TMEM106A: variants seen among roughly 807,000 people sequenced by gnomAD.
The protein encoded by TMEM106A is transmembrane protein 106A.
TMEM106A carries 22 observed loss-of-function variants against 25.1 expected under a neutral mutation model. The ratio of observed to expected loss-of-function variants is 0.88; its 90% confidence interval spans 0.63 to 1.25. TMEM106A has a LOEUF of 1.25. TMEM106A is among the 50% of genes most tolerant of loss of function. The pLI, the probability that TMEM106A is intolerant of heterozygous loss-of-function variation, is 0.00. For synonymous variants in TMEM106A, 104 were observed against 129.9 expected (o/e 0.80, Z 1.35); for missense variants, 275 against 318.1 (o/e 0.86, Z 1.03).
In TMEM106A at chr17:43,212,216, C is replaced by A. The variant is rs898441393; in HGVS notation, c.-189-11C>A. 1 of 152,722 alleles carries A rather than the reference C, an allele frequency of 6.5e-6. No homozygotes were observed. Among genetic ancestry groups the A allele is most frequent in the South Asian group, 2.1e-4 (1 of 4,840 alleles). 9.5% of individuals were successfully genotyped at this position (152,722 alleles called of 1,614,324 possible). A position where few individuals can be genotyped will look rare whatever the true frequency, so the allele number is the denominator to read the frequency against. On this transcript the variant is annotated splice_polypyrimidine_tract_variant and intron_variant, in intron 1 of 8. Transcript: ENST00000612339. ...TCCCCACTCTCCAGTGCGGCACATT[C>A]GTTCCCCTAGGACTCCGGCCGGTTG...
chr17:43,213,696 C>A, intron 3 of TMEM106A, 132 bp from the exon 4 acceptor site: 2 of 872,168 alleles, frequency 2.3e-6, no homozygotes, highest in Non-Finnish European at 1.8e-6. Context: ...TCCAGTCCTG[C>A]TCTGGGGCAG....
At chr17:43,213,724 C>A in intron 3 of TMEM106A, 104 bp from the exon 4 acceptor site, 1 of 1,138,352 alleles carries the variant, frequency 8.8e-7, no homozygotes, top group Non-Finnish European at 1.3e-6. Context: ...ATGTTTCTAA[C>A]ATTGCTCTAT....
Position 43,216,572 on chromosome 17 carries a change from C to T in TMEM106A, c.553C>T (p.Pro185Ser). 2 of 1,614,238 alleles carry T rather than the reference C, an allele frequency of 1.2e-6. No individual in the cohort carries two copies. The highest frequency in any genetic ancestry group is 1.7e-6 in the Non-Finnish European group (2 of 1,180,044). ...CAACAACCTTCTCCTACACATTGGCCCTTTGGCCAGTGAACAGGTGACTCC... is the reference window on the plus strand; with the variant it reads ...CAACAACCTTCTCCTACACATTGGCTCTTTGGCCAGTGAACAGGTGACTCC... The part of the protein sequence containing the change: ...VSNNLLLHIG[P>S]LASEQMFYAV... Residue 185 changes from proline (P) to serine (S), a missense_variant, in exon 6 of 9, where the codon CCT (proline) becomes TCT (serine). Coordinates refer to ENST00000612339, the MANE Select transcript of TMEM106A (RefSeq NM_145041.4).
At position 43,213,096 on chromosome 17, in the gene TMEM106A, A is replaced by G. The variant is rs773862573; in HGVS notation, c.55A>G (p.Ile19Val). Residue 19 changes from isoleucine (I) to valine (V), a missense_variant, in exon 3 of 9, where the codon ATC (isoleucine) becomes GTC (valine). Physicochemically the swap from Ile to Val is conservative, Grantham distance 29 (BLOSUM62 3). Transcript: ENST00000612339. ...TTGGCGGGAGGATGAGAACAAGTCA[A>G]TCCTGTCCTCCAAACCAGCCATTGG... ...GSWREDENKS[I>V]LSSKPAIGSK... 9.3e-6 allele frequency: 15 copies of G among 1,614,082 alleles called. No individual in the cohort carries two copies. The Admixed American group carries it at 1.8e-4, about 20-fold the overall frequency.
intron 7 of TMEM106A, chr17:43,216,954 A>G: frequency 1.5e-6 from 1 of 655,614 alleles, no homozygotes; most frequent in South Asian, 1.9e-5. Flanking sequence ...AATTTGGTTA[A>G]TCTTTACAAT....
intron 6 of TMEM106A, 28 bp downstream of exon 6, chr17:43,216,617 G>T (rs1304287871): frequency 2.5e-6 from 4 of 1,614,028 alleles, no homozygotes; most frequent in Non-Finnish European, 3.4e-6. Flanking sequence ...GGCCAGCCCT[G>T]CCCACTGGTG....
chr17:43,213,389 GC>G, intron 3 of TMEM106A, 137 bp downstream of exon 3: 1 of 902,504 alleles, frequency 1.1e-6, no homozygotes, highest in Non-Finnish European at 1.7e-6. Context: ...TCTCAGGCTG[GC>G]CAGGGAGATA....
At chr17:43,216,066 C>G in intron 5 of TMEM106A, 125 bp downstream of exon 5, 2 of 1,249,250 alleles carry the variant, frequency 1.6e-6, no homozygotes, top group African/African-American at 1.5e-5. Flanking sequence ...GTGTTGGGAG[C>G]CTGAAGAGAA....
chr17:43,214,206 GAA>G (rs1169930576), intron 4 of TMEM106A, among the ~76,000 whole-genome samples: 1 of 127,266 alleles, frequency 7.9e-6, no homozygotes, highest in Non-Finnish European at 1.6e-5. Flanking sequence ...AAAAAAAAAA[GAA>G]AAAAAAAAAG....
chr17:43,214,487 G>A (rs1022150552), intron 4 of TMEM106A, among the ~76,000 whole-genome samples: 2 of 152,192 alleles, frequency 1.3e-5, no homozygotes, highest in Non-Finnish European at 2.9e-5. Context: ...TAGTAGAGAT[G>A]AAAAACCTAT....
At chr17:43,217,574 G>T in intron 8 of TMEM106A, 107 bp from the exon 9 acceptor site, 1 of 1,534,256 alleles carries the variant, frequency 6.5e-7, no homozygotes, top group Non-Finnish European at 8.7e-7. Context: ...GAGCCAGAGG[G>T]AAGGGCAAAT....
intron 4 of TMEM106A, among the ~76,000 whole-genome samples, chr17:43,214,188 C>CAAAAAAAAAAAAAAAAAGAAAAAAA (rs1259805124): frequency 2.0e-5 from 1 of 50,920 alleles, no homozygotes; most frequent in African/African-American, 7.6e-5. Flanking sequence ...CCATCTCTAT[C>CAAAAAAAAAAAAAAAAAGAAAAAAA]AAAAAAAAAA....
chr17:43,216,875 A>G, intron 7 of TMEM106A, 135 bp downstream of exon 7: 1 of 1,173,806 alleles, frequency 8.5e-7, no homozygotes, highest in Non-Finnish European at 1.3e-6. Context: ...CCGAGAATGT[A>G]ATAAGCAAGG....
chr17:43,216,689 G>A lies in TMEM106A; in HGVS notation c.571-8G>A. ...TTGGGGCTAACCCTGTGCCCATTTG[G>A]TTGACAGATGTTTTACGCAGTAGCT... On this transcript the variant is annotated splice_region_variant and splice_polypyrimidine_tract_variant and intron_variant, in intron 6 of 8. Transcript: ENST00000612339. 3.1e-6 allele frequency: 5 copies of A among 1,614,194 alleles called. No individual in the cohort carries two copies. Among genetic ancestry groups the A allele is most frequent in the Non-Finnish European group, 4.2e-6 (5 of 1,180,008 alleles).
Position 43,218,295 on chromosome 17 carries a change from A to C in TMEM106A, c.*494A>C. 1 of 156,756 alleles carries C rather than the reference A, an allele frequency of 6.4e-6. No individual in the cohort carries two copies. The highest frequency in any genetic ancestry group is 1.4e-5 in the Non-Finnish European group (1 of 71,192). The allele number at this position is 156,756 out of a possible 1,614,324, so 9.7% of individuals were successfully genotyped here. A position where few individuals can be genotyped will look rare whatever the true frequency, so the allele number is the denominator to read the frequency against. On this transcript the variant is annotated 3_prime_UTR_variant, in exon 9 of 9. Transcript: ENST00000612339. ...CTGGTCAGTCTGAAGGGGGCATTTC[A>C]CCCCAGCTCCATCAGGGCTGGCTGT... is the stretch of plus-strand genomic sequence containing the variant.
At position 43,219,304 on chromosome 17, in the gene TMEM106A, G is replaced by T. The variant is rs180782815; in HGVS notation, c.*1503G>T. 2.6e-5 allele frequency: 4 copies of T among 152,282 alleles called. No homozygotes were observed. The highest frequency in any genetic ancestry group is 9.6e-5 in the African/African-American group (4 of 41,550). 9.4% of individuals were successfully genotyped at this position (152,282 alleles called of 1,614,324 possible). On this transcript the variant is annotated 3_prime_UTR_variant, in exon 9 of 9. Transcript: ENST00000612339. ...CAATGTGGAGCAGCACATCAGCAGG[G>T]ACTGGTCTAGACCCTCCCTTTCCTG...
chr17:43,213,035 C>G lies in TMEM106A; in HGVS notation c.-7C>G, dbSNP rs1269847912. The G allele has an allele frequency of 6.2e-7, 1 of 1,614,170 alleles. No individual in the cohort carries two copies. The highest frequency in any genetic ancestry group is 8.5e-7 in the Non-Finnish European group (1 of 1,180,004). On this transcript the variant is annotated 5_prime_UTR_variant, in exon 3 of 9. Coordinates refer to ENST00000612339, the MANE Select transcript of TMEM106A (RefSeq NM_145041.4). The stretch of plus-strand genomic sequence containing the variant: ...TTTCTCATTAGTGAAACCCCCGCCC[C>G]TGAAGAATGGGTAAGACGTTTTCCC...
chr17:43,217,345 T>C, intron 8 of TMEM106A, 33 bp downstream of exon 8: 1 of 1,611,768 alleles, frequency 6.2e-7, no homozygotes, highest in Non-Finnish European at 8.5e-7. Flanking sequence ...GTATCCCTGC[T>C]CTCACTTCTG....
chr17:43,213,097 T>A lies in TMEM106A; in HGVS notation c.56T>A (p.Ile19Asn), dbSNP rs761594274. ...GSWREDENKSILSSKPAIGSK... is the reference protein window; with the variant it reads ...GSWREDENKSNLSSKPAIGSK... Reference sequence around the variant, plus strand: ...TGGCGGGAGGATGAGAACAAGTCAATCCTGTCCTCCAAACCAGCCATTGGC... The same window carrying A: ...TGGCGGGAGGATGAGAACAAGTCAAACCTGTCCTCCAAACCAGCCATTGGC... The change falls in exon 3 of 9, where the codon ATC (isoleucine) becomes AAC (asparagine). Residue 19 changes from isoleucine (I) to asparagine (N), a missense_variant. Transcript: ENST00000612339. The A allele has an allele frequency of 6.2e-7, 1 of 1,614,204 alleles. No homozygotes were observed. Among genetic ancestry groups the A allele is most frequent in the Non-Finnish European group, 8.5e-7 (1 of 1,180,042 alleles).
Sources: allele counts gnomAD v4.1 joint callset (sites outside exome capture counted in the v4.1 genomes callset), GRCh38; gene constraint gnomAD v4.1.1; transcripts MANE v1.5; gene names NCBI Gene and HGNC (gene_info 2026-07-23, HGNC 2026-07-21).